AHNAK: variants seen among roughly 807,000 people sequenced by gnomAD.
AHNAK encodes the protein AHNAK nucleoprotein.
A neutral mutation model predicts 37.8 loss-of-function variants in AHNAK; 23 were observed. The ratio of observed to expected loss-of-function variants is 0.61; its 90% CI spans 0.44 to 0.86. The LOEUF is 0.86. Among genes scored for constraint, AHNAK ranks in the 40% least tolerant of loss-of-function variants. AHNAK has a pLI of 0.00. For synonymous variants in AHNAK, 2,481 were observed against 2,636.3 expected (o/e 0.94, Z 1.80); for missense variants, 7,411 against 7,319.4 (o/e 1.01, Z -0.46).
intron 5 of AHNAK, among the ~76,000 whole-genome samples, chr11:62,454,821 C>A (rs1938621627): frequency 6.6e-6 from 1 of 152,136 alleles, no homozygotes; most frequent in Admixed American, 6.6e-5. Context: ...ATGCCTGCCC[C>A]CATGTCTGCT....
chr11:62,506,096 CTA>C (rs1403772052), intron 4 of AHNAK, among the ~76,000 whole-genome samples: 1 of 149,868 alleles, frequency 6.7e-6, no homozygotes, highest in Non-Finnish European at 1.5e-5. Flanking sequence ...GTAGTTCCAG[CTA>C]CTCGGTAGGC....
At chr11:62,505,253 C>T (rs1284341864) in intron 4 of AHNAK, among the ~76,000 whole-genome samples, 1 of 152,166 alleles carries the variant, frequency 6.6e-6, no homozygotes, top group Non-Finnish European at 1.5e-5. Flanking sequence ...ACGCCTCCAA[C>T]CCAGTCTGCG....
At chr11:62,436,249 G>C (rs993937218) in intron 5 of AHNAK, among the ~76,000 whole-genome samples, 1 of 152,134 alleles carries the variant, frequency 6.6e-6, no homozygotes, top group African/African-American at 2.4e-5. Context: ...AGAAGGTGGG[G>C]GAACTTGGGG....
chr11:62,527,063 T>C lies in AHNAK; in HGVS notation c.7354A>G (p.Asn2452Asp), dbSNP rs1256431489. ...AGATCAACATCAGGCATAGAAATAT[T>C]GGGGGCTTTGAAATGCATATCAGGC... Reference protein sequence around the residue: ...KMPDMHFKAPNISMPDVDLNL... With the variant: ...KMPDMHFKAPDISMPDVDLNL... Residue 2452 changes from asparagine (N) to aspartate (D), a missense_variant, in exon 5 of 5, where the codon AAT becomes GAT. Asn to Asp is a conservative substitution (Grantham distance 23). Coordinates refer to ENST00000378024, the MANE Select transcript of AHNAK (RefSeq NM_001620.3). 4 of 1,614,062 alleles carry C rather than the reference T, an allele frequency of 2.5e-6. No homozygotes were observed. Among genetic ancestry groups the C allele is most frequent in the Non-Finnish European group, 2.5e-6 (3 of 1,180,042 alleles).
At chr11:62,507,646 C>T (rs1590637332) in intron 4 of AHNAK, among the ~76,000 whole-genome samples, 1 of 152,248 alleles carries the variant, frequency 6.6e-6, no homozygotes, top group South Asian at 2.1e-4. Context: ...CAAAAATTAG[C>T]TGGGCGTGGT....
chr11:62,480,823 A>AAACAAAAAAAAAAC (rs1939255172), intron 5 of AHNAK, among the ~76,000 whole-genome samples: 1 of 136,936 alleles, frequency 7.3e-6, no homozygotes, highest in African/African-American at 2.6e-5. Context: ...AAAAAAAAAA[A>AAACAAAAAAAAAAC]AAAACCTGGA....
In AHNAK at chr11:62,533,478, T is replaced by G. The variant is rs1228837433; in HGVS notation, c.939A>C (p.Lys313Asn). 1 of 1,614,038 alleles carries G rather than the reference T, an allele frequency of 6.2e-7. No individual in the cohort carries two copies. Among genetic ancestry groups the G allele is most frequent in the Non-Finnish European group, 8.5e-7 (1 of 1,180,034 alleles). ...KIKFPTMKVP[K>N]FGVSTGREGQ... ...CCTCACGCCCTGTTGAGACACCAAA[T>G]TTCGGCACTTTCATGGTGGGAAATT... The change falls in exon 5 of 5, where the codon AAA becomes AAC. Residue 313 changes from lysine (K) to asparagine (N), a missense_variant. Lys to Asn is a moderately conservative substitution (Grantham distance 94). Coordinates refer to ENST00000378024, the MANE Select transcript of AHNAK (RefSeq NM_001620.3).
rs762984304 is a variant in AHNAK, at chr11:62,524,204, T to C, written c.10213A>G (p.Met3405Val). ...QGKVKGSKFK[M>V]PFLSISSPKV... ...GGAGATGAAATACTCAGGAAAGGCATTTTAAACTTGGATCCTTTCACTTTT... is the reference window on the plus strand; with the variant it reads ...GGAGATGAAATACTCAGGAAAGGCACTTTAAACTTGGATCCTTTCACTTTT... Residue 3405 changes from methionine (M) to valine (V), a missense_variant, in exon 5 of 5, where the codon ATG becomes GTG. By Grantham distance (21) the Met-to-Val change is conservative. Transcript: ENST00000378024. 5.0e-6 allele frequency: 8 copies of C among 1,613,106 alleles called. No homozygotes were observed. The Admixed American group carries it at 1.3e-4, about 27-fold the overall frequency.
At chr11:62,493,216 G>A (rs1223380600) in intron 4 of AHNAK, among the ~76,000 whole-genome samples, 1 of 151,078 alleles carries the variant, frequency 6.6e-6, no homozygotes, top group Non-Finnish European at 1.5e-5. Flanking sequence ...GTTTCACCAT[G>A]TTGGCCAGGC....
chr11:62,470,490 T>C (rs1939012745), intron 5 of AHNAK, among the ~76,000 whole-genome samples: 1 of 146,448 alleles, frequency 6.8e-6, no homozygotes, highest in Admixed American at 6.8e-5. Flanking sequence ...CCTATAGTCC[T>C]AGCTACTCGG....
rs1055058692 is a variant in AHNAK, at chr11:62,532,346, T to C, written c.2071A>G (p.Ser691Gly). 1 of 1,614,082 alleles carries C rather than the reference T, an allele frequency of 6.2e-7. No individual in the cohort carries two copies. Among genetic ancestry groups the C allele is most frequent in the Non-Finnish European group, 8.5e-7 (1 of 1,180,042 alleles). The change falls in exon 5 of 5, where the codon AGT becomes GGT. Residue 691 changes from serine to glycine, a missense_variant. Coordinates refer to ENST00000378024, the MANE Select transcript of AHNAK (RefSeq NM_001620.3). Reference protein sequence around the residue: ...KGPDVKLPDMSVKTPKISMPD... With the variant: ...KGPDVKLPDMGVKTPKISMPD... ...ATGGAGATCTTTGGTGTCTTGACACTCATATCAGGCAGCTTAACATCGGGG... is the reference window on the plus strand; with the variant it reads ...ATGGAGATCTTTGGTGTCTTGACACCCATATCAGGCAGCTTAACATCGGGG...
Position 62,520,154 on chromosome 11 carries a change from C to A in AHNAK, c.14263G>T (p.Ala4755Ser). 6.2e-7 allele frequency: 1 copy of A among 1,613,496 alleles called. No individual in the cohort carries two copies. The highest frequency in any genetic ancestry group is 2.2e-5 in the East Asian group (1 of 44,838). Residue 4755 changes from alanine (A) to serine (S), a missense_variant, in exon 5 of 5, where the codon GCT (alanine) becomes TCT (serine). By Grantham distance (99) the Ala-to-Ser change is moderately conservative. Coordinates refer to ENST00000378024, the MANE Select transcript of AHNAK (RefSeq NM_001620.3). ...TCCACTTTTGGGCCCTTGATGTCAG[C>A]TTCTGGGCCCTTGAGGTCACCTTCC... ...KVEGDLKGPE[A>S]DIKGPKVDIN...
intron 5 of AHNAK, among the ~76,000 whole-genome samples, chr11:62,475,975 T>A (rs1939138191): frequency 6.6e-6 from 1 of 152,218 alleles, no homozygotes; most frequent in African/African-American, 2.4e-5. Flanking sequence ...CTGTTTATTT[T>A]ATGTTTATTT....
downstream of AHNAK, among the ~76,000 whole-genome samples, chr11:62,512,995 TG>T (rs1939942322): frequency 6.6e-6 from 1 of 152,156 alleles, no homozygotes; most frequent in African/African-American, 2.4e-5. The surrounding 1 kb of genome is among the most constrained non-coding windows in gnomAD (Gnocchi z 4.0). Flanking sequence ...TGTGAGCCCA[TG>T]GTGTAATTCA....
chr11:62,534,173 G>C, intron 4 of AHNAK, 99 bp from the exon 5 acceptor site: 1 of 1,319,686 alleles, frequency 7.6e-7, no homozygotes, highest in Non-Finnish European at 1.0e-6. Context: ...CTGTTTCCCA[G>C]AGAAGCTGGG....
chr11:62,441,282 G>T (rs1285485549), intron 5 of AHNAK, among the ~76,000 whole-genome samples: 3 of 151,198 alleles, frequency 2.0e-5, no homozygotes, highest in African/African-American at 7.3e-5. Flanking sequence ...GATTACAGGT[G>T]TGAGCCACCA....
At chr11:62,457,648 C>G (rs2958540) in intron 5 of AHNAK, among the ~76,000 whole-genome samples, 43,630 of 151,782 alleles carry the variant, frequency 0.29, 7,888 homozygotes, top group East Asian at 0.52. Flanking sequence ...AAAAAAGGAA[C>G]GAAAAGGCTT....
intron 5 of AHNAK, among the ~76,000 whole-genome samples, chr11:62,439,254 C>T (rs867221431): frequency 6.6e-6 from 1 of 151,958 alleles, no homozygotes; most frequent in African/African-American, 2.4e-5. Context: ...GCCACCACGC[C>T]TAGCTAATTT....
intron 4 of AHNAK, among the ~76,000 whole-genome samples, chr11:62,507,237 C>A (rs1301663295): frequency 1.3e-5 from 2 of 152,162 alleles, no homozygotes; most frequent in Non-Finnish European, 2.9e-5. Context: ...AGCTGTGTGA[C>A]CTTGGACATC....
Sources: allele counts gnomAD v4.1 joint callset (sites outside exome capture counted in the v4.1 genomes callset), GRCh38; gene constraint gnomAD v4.1.1; non-coding constraint Gnocchi (gnomAD v3.1); transcripts MANE v1.5; gene names NCBI Gene and HGNC (gene_info 2026-07-23, HGNC 2026-07-21).